TOMT: variants seen among roughly 807,000 people sequenced by gnomAD.
TOMT encodes the protein transmembrane O-methyltransferase.
Under a neutral mutation model 21.7 loss-of-function variants are expected in TOMT, and 23 were observed. That is an observed-to-expected ratio of 1.06 (90% confidence interval 0.76 to 1.50). The LOEUF (loss-of-function observed/expected upper bound fraction) is 1.50. Among genes scored for constraint, TOMT ranks in the 40% most tolerant of loss-of-function variants. TOMT has a pLI of 0.00. For missense variants in TOMT, 331 were observed against 348.7 expected (o/e 0.95, Z 0.41); for synonymous variants, 132 against 150.8 (o/e 0.88, Z 0.91).
At chr11:72,108,305 C>T (rs1040132482) in intron 2 of TOMT, among the ~76,000 whole-genome samples, 186 bp downstream of exon 2, 5 of 152,184 alleles carry the variant, frequency 3.3e-5, no homozygotes, top group Admixed American at 1.3e-4. Context: ...TGCCGGATGA[C>T]GAAAGAAACA....
At chr11:72,108,204 G>A in intron 2 of TOMT, 85 bp downstream of exon 2, 1 of 1,252,584 alleles carries the variant, frequency 8.0e-7, no homozygotes, top group Non-Finnish European at 1.1e-6. Flanking sequence ...CCCATCTAAG[G>A]AGAAGGAAGC....
At chr11:72,108,689 C>T (rs370362087) in exon 3 of TOMT, 18 of 1,544,482 alleles carry the variant, frequency 1.2e-5, no homozygotes, top group Non-Finnish European at 1.6e-5. Context: ...CCTGGTGCTC[C>T]TGGCACACCG....
intron 1 of TOMT, 77 bp from the exon 2 acceptor site, chr11:72,107,846 A>G: frequency 6.7e-7 from 1 of 1,484,676 alleles, no homozygotes; most frequent in South Asian, 1.2e-5. Flanking sequence ...TGAGGCAGGT[A>G]GGCATTTGAG....
intron 1 of TOMT, chr11:72,107,226 T>C (rs1945773683): frequency 1.7e-6 from 1 of 579,264 alleles, no homozygotes. Context: ...GTGATCATGC[T>C]ACTGCACTCC....
chr11:72,109,024 G>A (rs1441067128), exon 3 of TOMT: 10 of 1,059,114 alleles, frequency 9.4e-6, no homozygotes, highest in Admixed American at 8.4e-5. Flanking sequence ...CTTGACACAC[G>A]CTGGGCTCAG....
At chr11:72,109,143 G>T in exon 3 of TOMT, 1 of 565,702 alleles carries the variant, frequency 1.8e-6, no homozygotes, top group Non-Finnish European at 3.2e-6. Flanking sequence ...TCTTTCCAGA[G>T]AGAACCATGG....
At chr11:72,107,643 A>G in intron 1 of TOMT, 1 of 626,000 alleles carries the variant, frequency 1.6e-6, no homozygotes, top group Non-Finnish European at 2.9e-6. Flanking sequence ...AAGGTCCTGA[A>G]TGCCAGGCTG....
chr11:72,107,415 A>G (rs769242123), intron 1 of TOMT: 10 of 700,694 alleles, frequency 1.4e-5, no homozygotes, highest in Non-Finnish European at 2.6e-5. Context: ...CTTCATGGAG[A>G]AAGAGCAACA....
exon 1 of TOMT, chr11:72,106,067 G>T (rs748886608): frequency 6.4e-7 from 1 of 1,550,626 alleles, no homozygotes; most frequent in South Asian, 1.2e-5. Flanking sequence ...CTCCGAGACT[G>T]CCTGTCAGGG....
exon 3 of TOMT, chr11:72,108,929 C>T (rs1946029918): frequency 6.6e-7 from 1 of 1,519,240 alleles, no homozygotes. Context: ...AGGCTGAGGT[C>T]CAGGCCCAGG....
exon 3 of TOMT, chr11:72,108,717 G>A: frequency 6.5e-7 from 1 of 1,549,794 alleles, no homozygotes; most frequent in Admixed American, 2.0e-5. Flanking sequence ...TGTTACCTGA[G>A]GGACCTGCAG....
intron 2 of TOMT, among the ~76,000 whole-genome samples, 181 bp from the exon 3 acceptor site, chr11:72,108,424 C>T (rs534909771): frequency 6.6e-6 from 1 of 152,370 alleles, no homozygotes; most frequent in African/African-American, 2.4e-5. Context: ...ACCTTAGCTT[C>T]TTCAGAATGG....
At chr11:72,109,161 G>A in exon 3 of TOMT, 1 of 549,574 alleles carries the variant, frequency 1.8e-6, no homozygotes, top group East Asian at 3.2e-5. Context: ...TGGACTGACA[G>A]CAAGAAGCCT....
chr11:72,107,662 A>T, intron 1 of TOMT: 1 of 619,806 alleles, frequency 1.6e-6, no homozygotes, highest in South Asian at 1.9e-5. Context: ...TGAGAATCCC[A>T]AGTTCAATCC....
At chr11:72,106,000 C>G (rs766221873) in exon 1 of TOMT, 2 of 1,550,802 alleles carry the variant, frequency 1.3e-6, no homozygotes, top group South Asian at 2.4e-5. Context: ...GGTAACATTG[C>G]TGGTGCGGTA....
Position 72,107,904 on chromosome 11 carries a change from C to A in TOMT, c.260-19C>A. The A allele has an allele frequency of 3.2e-6, 5 of 1,551,490 alleles. No homozygotes were observed. Among genetic ancestry groups the A allele is most frequent in the Non-Finnish European group, 4.4e-6 (5 of 1,146,826 alleles). Reference sequence around the variant, plus strand: ...CATCCATCTCCCATGTCTTCTGCAACAGCCATCTCCCCTCATAGGTCAGAT... The same window carrying A: ...CATCCATCTCCCATGTCTTCTGCAAAAGCCATCTCCCCTCATAGGTCAGAT... On this transcript the variant is annotated intron_variant, in intron 1 of 2. Transcript: ENST00000541899.
intron 1 of TOMT, 126 bp from the exon 2 acceptor site, chr11:72,107,797 C>T: frequency 9.9e-7 from 1 of 1,014,460 alleles, no homozygotes; most frequent in African/African-American, 1.6e-5. Flanking sequence ...GGCTATGGTA[C>T]AAGAGACAGA....
exon 3 of TOMT, chr11:72,109,003 C>T (rs1173759056): frequency 3.5e-5 from 45 of 1,294,152 alleles, no homozygotes; most frequent in Non-Finnish European, 4.6e-5. Context: ...CCTCCCTTTC[C>T]TGTTTGGGGC....
chr11:72,107,666 TCAATCC>T (rs1389992651), intron 1 of TOMT: 9 of 619,116 alleles, frequency 1.5e-5, no homozygotes, highest in Admixed American at 8.1e-5. Flanking sequence ...AATCCCAAGT[TCAATCC>T]CAAAGGCCTT....
Sources: allele counts gnomAD v4.1 joint callset (sites outside exome capture counted in the v4.1 genomes callset), GRCh38; gene constraint gnomAD v4.1.1; transcripts MANE v1.5; gene names NCBI Gene and HGNC (gene_info 2026-07-23, HGNC 2026-07-21).